Variants in PTPRN2 observed in about 807,000 individuals in gnomAD.
The protein encoded by PTPRN2 is receptor-type tyrosine-protein phosphatase N2.
In PTPRN2, 74 loss-of-function variants were observed where a neutral mutation model predicts 118.8. That is an observed-to-expected ratio of 0.62 (90% confidence interval 0.52 to 0.76). The LOEUF (loss-of-function observed/expected upper bound fraction) is 0.76. Among genes scored for constraint, PTPRN2 ranks in the 30% least tolerant of loss-of-function variants. PTPRN2 has a pLI of 0.00. For synonymous variants in PTPRN2, 641 were observed against 608.0 expected (o/e 1.05, Z -0.80); for missense variants, 1,481 against 1,394.4 (o/e 1.06, Z -0.99).
chr7:157,875,032 GACAC>G (rs751867845), intron 12 of PTPRN2, among the ~76,000 whole-genome samples: 226 of 150,804 alleles, frequency 1.5e-3, no homozygotes, highest in South Asian at 0.013. Context: ...GACACACGCA[GACAC>G]ACACACGCGC....
chr7:157,783,766 T>C lies in PTPRN2; in HGVS notation c.1789-100829A>G, dbSNP rs116478099. 3.0e-3 allele frequency among the ~76,000 whole-genome samples: 451 copies of C among 152,044 alleles called. 3 individuals are homozygous for C. The highest frequency in any genetic ancestry group is 9.8e-3 in the African/African-American group (406 of 41,446). On this transcript the variant is annotated intron_variant, in intron 12 of 22. Coordinates refer to ENST00000389418, the MANE Select transcript of PTPRN2 (RefSeq NM_002847.5). ...CTTACTCGGAACAGGGACTTTCCCA[T>C]GTGGATTCGTATGACCCTACTTTTG...
chr7:157,826,549 G>A (rs967339042), intron 12 of PTPRN2, among the ~76,000 whole-genome samples: 3 of 144,520 alleles, frequency 2.1e-5, no homozygotes, highest in Admixed American at 6.8e-5. Context: ...ATTTCCACGC[G>A]TGCTGTGCAA....
chr7:158,235,543 G>C (rs1239896060), intron 3 of PTPRN2, among the ~76,000 whole-genome samples: 1 of 152,186 alleles, frequency 6.6e-6, no homozygotes, highest in Non-Finnish European at 1.5e-5. Context: ...CTAACAAATG[G>C]ATCTCATGAG....
At chr7:157,635,306 T>C (rs904805514) in intron 14 of PTPRN2, among the ~76,000 whole-genome samples, 1 of 152,260 alleles carries the variant, frequency 6.6e-6, no homozygotes, top group East Asian at 1.9e-4. Context: ...ATTGTGGGAA[T>C]GTGGGAGTGC....
rs1824811843 is a variant in PTPRN2 at position 158,526,766 on chromosome 7, G to A, written c.113-36981C>T. Reference sequence around the variant, plus strand: ...GATGGACAACCCTGTGGGGCACAGGGAGGAGACGGCATCTGCCAGCCAAGG... The same window carrying A: ...GATGGACAACCCTGTGGGGCACAGGAAGGAGACGGCATCTGCCAGCCAAGG... On this transcript the variant is annotated intron_variant, in intron 1 of 22. Coordinates refer to ENST00000389418, the MANE Select transcript of PTPRN2 (RefSeq NM_002847.5). The surrounding 1 kb of genome is among the most constrained non-coding windows in gnomAD (Gnocchi z 5.2). Among the ~76,000 whole-genome samples, 1 of 152,120 alleles carries A rather than the reference G, an allele frequency of 6.6e-6. No homozygotes were observed. Among genetic ancestry groups the A allele is most frequent in the Non-Finnish European group, 1.5e-5 (1 of 68,022 alleles).
At chr7:157,569,676 T>A (rs1007132985) in intron 20 of PTPRN2, among the ~76,000 whole-genome samples, 2 of 152,106 alleles carry the variant, frequency 1.3e-5, no homozygotes, top group Non-Finnish European at 2.9e-5. Context: ...GGAAGAAGAG[T>A]AGCCTCAGGA....
intron 12 of PTPRN2, among the ~76,000 whole-genome samples, chr7:157,697,247 C>T (rs1247522231): frequency 1.5e-5 from 2 of 131,396 alleles, no homozygotes; most frequent in African/African-American, 3.1e-5. Context: ...TCACCATCTA[C>T]CCATGCATAC....
chr7:157,754,517 A>C (rs1458987117), intron 12 of PTPRN2, among the ~76,000 whole-genome samples: 1 of 152,236 alleles, frequency 6.6e-6, no homozygotes, highest in African/African-American at 2.4e-5. Flanking sequence ...CAGAGGTGAC[A>C]GTGACAGTGG....
intron 3 of PTPRN2, among the ~76,000 whole-genome samples, chr7:158,257,799 C>T (rs993676626): frequency 9.2e-5 from 14 of 152,238 alleles, no homozygotes; most frequent in East Asian, 1.9e-4. Flanking sequence ...GGATGGCGTG[C>T]GTGCCAGGGG....
intron 22 of PTPRN2, among the ~76,000 whole-genome samples, chr7:157,541,869 A>G (rs1188895808): frequency 6.6e-6 from 1 of 152,212 alleles, no homozygotes; most frequent in Non-Finnish European, 1.5e-5. Flanking sequence ...TCTGAGACAA[A>G]AGACAGTTTC....
intron 11 of PTPRN2, among the ~76,000 whole-genome samples, chr7:157,945,145 G>A (rs935963595): frequency 3.3e-5 from 5 of 152,136 alleles, no homozygotes; most frequent in East Asian, 1.9e-4. Flanking sequence ...GCAGGGATCC[G>A]TGCAGGGATG....
At chr7:157,882,305 T>C (rs1796181879) in intron 12 of PTPRN2, among the ~76,000 whole-genome samples, 1 of 145,566 alleles carries the variant, frequency 6.9e-6, no homozygotes, top group Non-Finnish European at 1.5e-5. Context: ...ACCCCAAAAA[T>C]GACTATCAGA....
intron 11 of PTPRN2, among the ~76,000 whole-genome samples, chr7:158,047,776 T>C (rs1197890440): frequency 6.6e-6 from 1 of 152,192 alleles, no homozygotes; most frequent in Admixed American, 6.5e-5. Flanking sequence ...AAAGGAGAGC[T>C]GAGGCTGGGT....
At chr7:158,146,975 C>G (rs1820139155) in intron 6 of PTPRN2, among the ~76,000 whole-genome samples, 2 of 123,916 alleles carry the variant, frequency 1.6e-5, no homozygotes, top group Non-Finnish European at 3.4e-5. Flanking sequence ...TCTCACGCCA[C>G]GTGTCTTTCC....
chr7:157,631,696 G>A (rs1420312244), intron 14 of PTPRN2, among the ~76,000 whole-genome samples: 3 of 152,210 alleles, frequency 2.0e-5, no homozygotes, highest in Admixed American at 6.5e-5. Flanking sequence ...GCCAGGCGTG[G>A]TGGTGGGCAC....
chr7:158,266,784 T>C (rs1797915502), intron 3 of PTPRN2, among the ~76,000 whole-genome samples: 1 of 152,228 alleles, frequency 6.6e-6, no homozygotes, highest in South Asian at 2.1e-4. Context: ...TCAAAGTACA[T>C]TGCCTGACCC....
chr7:157,764,487 A>G lies in PTPRN2; in HGVS notation c.1789-81550T>C, dbSNP rs1449139379. ...TGAAATAAGCCAGTCACAATATGATAAACACTGTGTGATTCCACTCGTATG... is the reference window on the plus strand; with the variant it reads ...TGAAATAAGCCAGTCACAATATGATGAACACTGTGTGATTCCACTCGTATG... On this transcript the variant is annotated intron_variant, in intron 12 of 22. Transcript: ENST00000389418. The surrounding 1 kb of genome is among the most constrained non-coding windows in gnomAD (Gnocchi z 4.5). 6.6e-6 allele frequency among the ~76,000 whole-genome samples: 1 copy of G among 152,236 alleles called. No homozygotes were observed. Among genetic ancestry groups the G allele is most frequent in the Non-Finnish European group, 1.5e-5 (1 of 68,046 alleles).
intron 3 of PTPRN2, among the ~76,000 whole-genome samples, chr7:158,238,232 G>A (rs879760235): frequency 6.6e-6 from 1 of 152,092 alleles, no homozygotes; most frequent in Non-Finnish European, 1.5e-5. Context: ...GCTCTGGGGG[G>A]CATCCCTCCC....
intron 12 of PTPRN2, among the ~76,000 whole-genome samples, chr7:157,754,923 C>T (rs893077207): frequency 2.6e-5 from 4 of 152,144 alleles, no homozygotes; most frequent in South Asian, 4.1e-4. Context: ...CTCACTCTGT[C>T]GCCCAGGCTG....
Sources: allele counts gnomAD v4.1 joint callset (sites outside exome capture counted in the v4.1 genomes callset), GRCh38; gene constraint gnomAD v4.1.1; non-coding constraint Gnocchi (gnomAD v3.1); transcripts MANE v1.5; gene names NCBI Gene and HGNC (gene_info 2026-07-23, HGNC 2026-07-21).